LRP5: variants seen among roughly 807,000 people sequenced by gnomAD.
LRP5 encodes LDL receptor related protein 5.
Under a neutral mutation model 154.1 loss-of-function variants are expected in LRP5, and 62 were observed. The observed-to-expected ratio is 0.40, with a 90% confidence interval of 0.33 to 0.50. The LOEUF is 0.50. Among genes scored for constraint, LRP5 ranks in the 20% least tolerant of loss-of-function variants. The pLI, the probability that LRP5 is intolerant of heterozygous loss-of-function variation, is 0.55. For missense variants in LRP5, 1,915 were observed against 2,336.7 expected (o/e 0.82, Z 3.72); for synonymous variants, 966 against 1,011.5 (o/e 0.96, Z 0.85).
intron 1 of LRP5, among the ~76,000 whole-genome samples, chr11:68,313,968 G>A (rs984956534): frequency 6.6e-6 from 1 of 152,154 alleles, no homozygotes; most frequent in African/African-American, 2.4e-5. Context: ...TTTGTTTCAC[G>A]TCCTCCTGCC....
rs1056743758 is a variant in LRP5 at position 68,403,642 on chromosome 11, A to G, written c.1744A>G (p.Ile582Val). Reference protein sequence around the residue: ...HKVKASRDVIIDQLPDLMGLK... With the variant: ...HKVKASRDVIVDQLPDLMGLK... ...GGTCAAGGCCAGCCGGGACGTCATC[A>G]TTGACCAGCTGCCCGACCTGATGGG... Residue 582 changes from isoleucine to valine, a missense_variant, in exon 8 of 23, where the codon ATT (isoleucine) becomes GTT (valine). Coordinates refer to ENST00000294304, the MANE Select transcript of LRP5 (RefSeq NM_002335.4). The G allele has an allele frequency of 2.0e-5, 33 of 1,614,056 alleles. 1 individual carries two copies. The Admixed American group carries it at 3.8e-4, about 19-fold the overall frequency.
Position 68,425,213 on chromosome 11 carries a change from C to A in LRP5, c.3348C>A (p.Ala1116=), listed in dbSNP as rs1169585529. Residue 1116 remains alanine, a synonymous_variant, in exon 15 of 23, where the codon GCC becomes GCA. Coordinates refer to ENST00000294304, the MANE Select transcript of LRP5 (RefSeq NM_002335.4). The part of the protein sequence containing the change: ...LFTTGLIRPV[A]LVVDNTLGKL... ...CCACCGGCCTCATCCGCCCTGTGGC[C>A]CTGGTGGTGGACAACACACTGGGCA... is the stretch of plus-strand genomic sequence containing the variant. 6.2e-7 allele frequency: 1 copy of A among 1,613,434 alleles called. No individual in the cohort carries two copies. The highest frequency in any genetic ancestry group is 1.1e-5 in the South Asian group (1 of 91,076).
At chr11:68,342,153 T>A (rs1456551702) in intron 1 of LRP5, among the ~76,000 whole-genome samples, 1 of 151,992 alleles carries the variant, frequency 6.6e-6, no homozygotes, top group Non-Finnish European at 1.5e-5. Flanking sequence ...CTTGAACTCC[T>A]GGCCTGAGAT....
chr11:68,321,046 T>C (rs895825460), intron 1 of LRP5, among the ~76,000 whole-genome samples: 1 of 151,370 alleles, frequency 6.6e-6, no homozygotes, highest in Non-Finnish European at 1.5e-5. Context: ...ATTCAGACAT[T>C]ATTCTGTCTG....
At position 68,372,497 on chromosome 11, in the gene LRP5, G is replaced by A. The variant is rs7107518; in HGVS notation, c.1015+6795G>A. Among the ~76,000 whole-genome samples the A allele has an allele frequency of 1.6e-4, 4 of 24,368 alleles. 1 individual carries two copies. The highest frequency in any genetic ancestry group is 1.4e-3 in the East Asian group (1 of 700). The allele number at this position is 24,368 out of a possible 152,430, so 16.0% of individuals were successfully genotyped here. The stretch of plus-strand genomic sequence containing the variant: ...GAGGAGGTGCAGTGTCAGGCAGACC[G>A]GGGACTTGGAGCACCTAGTTCCACT... On this transcript the variant is annotated intron_variant, in intron 5 of 22. Coordinates refer to ENST00000294304, the MANE Select transcript of LRP5 (RefSeq NM_002335.4).
At chr11:68,416,254 G>T in intron 12 of LRP5, 74 bp from the exon 13 acceptor site, 4 of 1,312,206 alleles carry the variant, frequency 3.0e-6, no homozygotes, top group Non-Finnish European at 4.4e-6. Context: ...TTGTCGAGTG[G>T]CGTGCTATCC....
chr11:68,332,679 A>T (rs977178785), intron 1 of LRP5, among the ~76,000 whole-genome samples: 9 of 152,064 alleles, frequency 5.9e-5, no homozygotes, highest in Admixed American at 5.9e-4. Flanking sequence ...TCTACGGGAG[A>T]CTTGGTCTAC....
At chr11:68,364,134 GGA>G (rs953521843) in intron 4 of LRP5, among the ~76,000 whole-genome samples, 191 bp downstream of exon 4, 4 of 151,832 alleles carry the variant, frequency 2.6e-5, no homozygotes, top group Admixed American at 2.6e-4. Context: ...CTGCTGCAAT[GGA>G]GGGAGGTGTG....
intron 5 of LRP5, among the ~76,000 whole-genome samples, chr11:68,375,567 CTG>C (rs760625061): frequency 1.8e-4 from 27 of 152,354 alleles, no homozygotes; most frequent in Non-Finnish European, 3.4e-4. Context: ...GCGCAGCCCT[CTG>C]AGAGTGTGGC....
At chr11:68,402,066 G>A (rs376922067) in intron 7 of LRP5, among the ~76,000 whole-genome samples, 2 of 152,170 alleles carry the variant, frequency 1.3e-5, no homozygotes, top group South Asian at 2.1e-4. Context: ...CATTCCATCT[G>A]CCTTACAGTT....
chr11:68,445,000 C>T lies in LRP5; in HGVS notation c.4489-1436C>T, dbSNP rs571738956. ...GGCTTCCTAAAGGGCAGGGGAAGGG[C>T]CTGGCCACTCCCCAGAGGCTACTCA... is the stretch of plus-strand genomic sequence containing the variant. On this transcript the variant is annotated intron_variant, in intron 21 of 22. Transcript: ENST00000294304. Among the ~76,000 whole-genome samples, 346 of 152,284 alleles carry T rather than the reference C, an allele frequency of 2.3e-3. 1 individual carries two copies. Among genetic ancestry groups the T allele is most frequent in the Non-Finnish European group, 3.7e-3 (250 of 68,018 alleles).
intron 7 of LRP5, 27 bp from the exon 8 acceptor site, chr11:68,403,456 C>T (rs990805968): frequency 1.2e-6 from 2 of 1,607,184 alleles, no homozygotes; most frequent in Admixed American, 1.7e-5. Flanking sequence ...CTGGCCCATC[C>T]AGACCTATAT....
At chr11:68,448,436 G>A (rs559977461) in intron 22 of LRP5, among the ~76,000 whole-genome samples, 2 of 152,290 alleles carry the variant, frequency 1.3e-5, no homozygotes, top group African/African-American at 4.8e-5. Context: ...CTTCACTTTC[G>A]AAATGGGTAC....
chr11:68,337,015 A>G (rs1249186231), intron 1 of LRP5, among the ~76,000 whole-genome samples: 1 of 152,158 alleles, frequency 6.6e-6, no homozygotes, highest in Admixed American at 6.5e-5. Context: ...TTCCTTTTTT[A>G]TATTGTAAAA....
intron 1 of LRP5, among the ~76,000 whole-genome samples, chr11:68,340,331 C>G (rs1359264425): frequency 6.6e-6 from 1 of 152,090 alleles, no homozygotes; most frequent in Non-Finnish European, 1.5e-5. Flanking sequence ...GAAATCCTGC[C>G]CGGAATCTCA....
intron 21 of LRP5, among the ~76,000 whole-genome samples, chr11:68,444,570 AC>A (rs574968445): frequency 0.073 from 2,316 of 31,728 alleles, 148 homozygotes; most frequent in African/African-American, 0.23. Flanking sequence ...CCCAGCCCCC[AC>A]CCCCCACCCC....
At chr11:68,367,935 C>T (rs528271541) in intron 5 of LRP5, among the ~76,000 whole-genome samples, 107 of 152,048 alleles carry the variant, frequency 7.0e-4, no homozygotes, top group Non-Finnish European at 1.2e-3. Context: ...AGTAGTGGCA[C>T]GGGCCTGTAA....
At chr11:68,382,022 G>C (rs1398173344) in intron 5 of LRP5, among the ~76,000 whole-genome samples, 1 of 152,248 alleles carries the variant, frequency 6.6e-6, no homozygotes, top group African/African-American at 2.4e-5. Flanking sequence ...GCTGGTCACA[G>C]CTCACTCAGA....
chr11:68,372,505 G>C (rs1182084084), intron 5 of LRP5, among the ~76,000 whole-genome samples: 2 of 50,252 alleles, frequency 4.0e-5, no homozygotes, highest in Non-Finnish European at 7.7e-5. Flanking sequence ...CCGGGGACTT[G>C]GAGCACCTAG....
Sources: gnomAD v4.1 joint callset for allele counts (sites outside exome capture counted in the v4.1 genomes callset) on GRCh38, gnomAD v4.1.1 for gene constraint, MANE v1.5 for transcripts, NCBI Gene and HGNC (gene_info 2026-07-23, HGNC 2026-07-21) for gene names.